Variants in IBTK observed in about 807,000 individuals in gnomAD.
IBTK encodes the protein inhibitor of Bruton tyrosine kinase, also known as BTK-binding protein.
A neutral mutation model predicts 154.9 loss-of-function variants in IBTK; 83 were observed. The ratio of observed to expected loss-of-function variants is 0.54; its 90% CI spans 0.45 to 0.64. The LOEUF (loss-of-function observed/expected upper bound fraction) is 0.64, where lower values mean the gene tolerates loss of function less well. Ranked by LOEUF, IBTK falls within the 30% of genes least tolerant of loss-of-function variation. The probability of loss-of-function intolerance (pLI) is 0.00; values close to 1 mark genes in which losing one functional copy is unlikely to be tolerated. For missense variants in IBTK, 1,332 were observed against 1,584.6 expected (o/e 0.84, Z 2.71); for synonymous variants, 515 against 536.1 (o/e 0.96, Z 0.54).
chr6:82,202,384 C>A, intron 18 of IBTK, 144 bp downstream of exon 18: 2 of 609,776 alleles, frequency 3.3e-6, no homozygotes, highest in Admixed American at 3.0e-5. Flanking sequence ...CTAAAATGTA[C>A]ATAACTTCTA....
chr6:82,238,968 A>G lies in IBTK; in HGVS notation c.321+1198T>C, dbSNP rs1166568772. ...TGGCCAGGCTTGTCTCGAACTCATA[A>G]CCTCAAGTGATCGGCCCACCTCGGC... On this transcript the variant is annotated intron_variant, in intron 2 of 28. Transcript: ENST00000306270. Among the ~76,000 whole-genome samples the G allele has an allele frequency of 2.7e-5, 4 of 150,646 alleles. No individual in the cohort carries two copies. In the East Asian group the frequency reaches 6.0e-4, roughly 23 times the overall value.
intron 2 of IBTK, among the ~76,000 whole-genome samples, chr6:82,237,970 A>G (rs1260670480): frequency 1.3e-5 from 2 of 152,258 alleles, no homozygotes; most frequent in Admixed American, 6.5e-5. Context: ...AAGGCCAGAC[A>G]TGGTGGCTCA....
intron 8 of IBTK, among the ~76,000 whole-genome samples, chr6:82,221,195 G>T (rs896119805): frequency 7.9e-5 from 12 of 152,128 alleles, no homozygotes; most frequent in Middle Eastern, 3.4e-3. Context: ...ATGGTGATGC[G>T]CCCCTGTAGT....
chr6:82,210,612 C>G (rs1260050691), intron 16 of IBTK, among the ~76,000 whole-genome samples: 4 of 151,944 alleles, frequency 2.6e-5, no homozygotes, highest in Admixed American at 2.6e-4. Context: ...ATCCCTTGAG[C>G]CTAGGAGTTT....
intron 1 of IBTK, among the ~76,000 whole-genome samples, chr6:82,241,100 C>T (rs1002796484): frequency 2.0e-5 from 3 of 151,942 alleles, no homozygotes; most frequent in African/African-American, 2.4e-5. Flanking sequence ...TTAAATCTAT[C>T]GACCTTTCAT....
At chr6:82,199,361 A>G (rs1181285391) in intron 21 of IBTK, among the ~76,000 whole-genome samples, 1 of 152,146 alleles carries the variant, frequency 6.6e-6, no homozygotes, top group Non-Finnish European at 1.5e-5. Flanking sequence ...TAAAATGTAC[A>G]TAGGTGTTCA....
At chr6:82,230,392 A>G (rs950108860) in intron 4 of IBTK, among the ~76,000 whole-genome samples, 6 of 152,214 alleles carry the variant, frequency 3.9e-5, no homozygotes, top group Admixed American at 6.5e-5. Flanking sequence ...GACTTTATCC[A>G]AAGGTGACTT....
rs749153646 is a variant in IBTK at position 82,176,521 on chromosome 6, C to CAA, written c.3726-3085_3726-3084dup. 2.0e-3 allele frequency among the ~76,000 whole-genome samples: 123 copies of CAA among 61,296 alleles called. 1 individual carries two copies. Among genetic ancestry groups the CAA allele is most frequent in the African/African-American group, 4.8e-3 (78 of 16,106 alleles). 40.2% of individuals were successfully genotyped at this position (61,296 alleles called of 152,430 possible). A position where few individuals can be genotyped will look rare whatever the true frequency, so the allele number is the denominator to read the frequency against. On this transcript the variant is annotated intron_variant, in intron 26 of 28. Transcript: ENST00000306270. ...GGGTGACAAGAGCGAGAGTCCGTCT[C>CAA]AAAAAAAAAAAAAAAAAAAGAAACA...
intron 8 of IBTK, among the ~76,000 whole-genome samples, chr6:82,220,937 T>TACACACACACACAC (rs57358110): frequency 0.013 from 1,643 of 130,118 alleles, 35 homozygotes; most frequent in Admixed American, 0.032. Flanking sequence ...TGACTTTACC[T>TACACACACACACAC]ACACACACAC....
intron 24 of IBTK, 24 bp from the exon 25 acceptor site, chr6:82,191,240 C>A: frequency 6.3e-7 from 1 of 1,581,848 alleles, no homozygotes; most frequent in South Asian, 1.2e-5. Context: ...CAATTAGTTT[C>A]AGTGGTTTCT....
Position 82,223,634 on chromosome 6 carries a change from C to A in IBTK, c.944-14G>T, listed in dbSNP as rs1227175969. Reference sequence around the variant, plus strand: ...CTAGCAAACAACCTAAAAAATGATACAAATAAGCAAATCACAAAATAGCTC... The same window carrying A: ...CTAGCAAACAACCTAAAAAATGATAAAAATAAGCAAATCACAAAATAGCTC... On this transcript the variant is annotated splice_polypyrimidine_tract_variant and intron_variant, in intron 7 of 28. Coordinates refer to ENST00000306270, the MANE Select transcript of IBTK (RefSeq NM_015525.4). 1.9e-6 allele frequency: 3 copies of A among 1,604,832 alleles called. No homozygotes were observed.
At chr6:82,210,655 G>T (rs1234474888) in intron 16 of IBTK, among the ~76,000 whole-genome samples, 159 bp downstream of exon 16, 1 of 151,216 alleles carries the variant, frequency 6.6e-6, no homozygotes, top group Admixed American at 6.6e-5. Context: ...TAAGACCCCG[G>T]TCTCCATAAA....
rs1287414991 is a variant in IBTK, at chr6:82,240,404, C to T, written c.83G>A (p.Gly28Glu). The change falls in exon 2 of 29, where the codon GGG becomes GAG. Residue 28 changes from glycine (G) to glutamate (E), a missense_variant. Around this residue, in one of 3 missense-constraint regions of IBTK, gnomAD observed 84 missense variants for 96.2 expected, o/e 0.87. Coordinates refer to ENST00000306270, the MANE Select transcript of IBTK (RefSeq NM_015525.4). The stretch of plus-strand genomic sequence containing the variant: ...AAAGGCCTTAATCTGGTTTTCGCTC[C>T]CCTTTGTTACCACAGAAAGGACATC... ...ALDVLSVVTK[G>E]SENQIKAFLS... 1 of 1,613,992 alleles carries T rather than the reference C, an allele frequency of 6.2e-7. No individual in the cohort carries two copies. Among genetic ancestry groups the T allele is most frequent in the Non-Finnish European group, 8.5e-7 (1 of 1,180,028 alleles).
In IBTK at chr6:82,212,701, A is replaced by C; in HGVS notation, c.2291+6T>G. ...ATGAAATGTTAATCTTCCTTTCCTT[A>C]CTTACCATTTTTTCTGACTTAGCTT... is the stretch of plus-strand genomic sequence containing the variant. On this transcript the variant is annotated splice_donor_region_variant and intron_variant, in intron 13 of 28. Transcript: ENST00000306270. 6.5e-7 allele frequency: 1 copy of C among 1,538,450 alleles called. No individual in the cohort carries two copies. The highest frequency in any genetic ancestry group is 9.0e-7 in the Non-Finnish European group (1 of 1,111,564).
At chr6:82,247,507 C>A in intron 1 of IBTK, 55 bp downstream of exon 1, 1 of 398,782 alleles carries the variant, frequency 2.5e-6, no homozygotes, top group Admixed American at 4.4e-5. Flanking sequence ...CCCCCTGCCC[C>A]CGGGCTGAAG....
chr6:82,196,662 T>A (rs1768999664), intron 21 of IBTK, among the ~76,000 whole-genome samples: 1 of 152,188 alleles, frequency 6.6e-6, no homozygotes, highest in East Asian at 1.9e-4. Context: ...AAACAATAAT[T>A]TTATTCATTA....
intron 16 of IBTK, among the ~76,000 whole-genome samples, chr6:82,207,240 T>C (rs571612016): frequency 2.6e-4 from 40 of 152,102 alleles, no homozygotes; most frequent in Middle Eastern, 3.2e-3. Context: ...TTCAGCAAGG[T>C]TGCAGGATAT....
At chr6:82,220,347 T>C (rs779099451) in intron 9 of IBTK, among the ~76,000 whole-genome samples, 1 of 152,226 alleles carries the variant, frequency 6.6e-6, no homozygotes, top group Non-Finnish European at 1.5e-5. Flanking sequence ...AATTTTTGAT[T>C]ACAGTTTAAC....
At position 82,170,427 on chromosome 6, in the gene IBTK, G is replaced by A. The variant is rs1230396162; in HGVS notation, c.*998C>T. Reference sequence around the variant, plus strand: ...AACATTAACCTTTCCAATTTATCTAGGTACTGAAGCACAAATTTAACATTT... The same window carrying A: ...AACATTAACCTTTCCAATTTATCTAAGTACTGAAGCACAAATTTAACATTT... On this transcript the variant is annotated 3_prime_UTR_variant, in exon 29 of 29. Coordinates refer to ENST00000306270, the MANE Select transcript of IBTK (RefSeq NM_015525.4). 1 of 152,092 alleles carries A rather than the reference G, an allele frequency of 6.6e-6. No homozygotes were observed. Among genetic ancestry groups the A allele is most frequent in the Non-Finnish European group, 1.5e-5 (1 of 68,024 alleles). The allele number at this position is 152,092 out of a possible 1,614,324, so 9.4% of individuals were successfully genotyped here.
Sources: allele counts gnomAD v4.1 joint callset (sites outside exome capture counted in the v4.1 genomes callset), GRCh38; gene constraint gnomAD v4.1.1; regional missense constraint gnomAD v4.1.1; transcripts MANE v1.5; gene names NCBI Gene and HGNC (gene_info 2026-07-23, HGNC 2026-07-21).